Variants in DIAPH3 observed in about 807,000 individuals in gnomAD.
DIAPH3 encodes the protein diaphanous related formin 3, also known as protein diaphanous homolog 3.
In DIAPH3, 117 loss-of-function variants were observed where a neutral mutation model predicts 144.3. The observed-to-expected ratio is 0.81, with a 90% confidence interval of 0.70 to 0.95. The LOEUF (loss-of-function observed/expected upper bound fraction) is 0.95, where lower values mean the gene tolerates loss of function less well. Among genes scored for constraint, DIAPH3 ranks in the 40% least tolerant of loss-of-function variants. The probability of loss-of-function intolerance (pLI) is 0.00; values close to 1 mark genes in which losing one functional copy is unlikely to be tolerated. For synonymous variants in DIAPH3, 519 were observed against 488.9 expected (o/e 1.06, Z -0.81); for missense variants, 1,421 against 1,412.7 (o/e 1.01, Z -0.09).
chr13:60,019,057 TA>T (rs1214315391), intron 5 of DIAPH3, among the ~76,000 whole-genome samples: 1 of 152,120 alleles, frequency 6.6e-6, no homozygotes, highest in Non-Finnish European at 1.5e-5. Context: ...TTTTTAAAGA[TA>T]GGGGTATGAA....
chr13:60,010,703 A>T, intron 7 of DIAPH3, 34 bp from the exon 8 acceptor site: 1 of 1,598,716 alleles, frequency 6.3e-7, no homozygotes, highest in South Asian at 1.1e-5. Flanking sequence ...GTCAAATGTT[A>T]GAAATTAGTT....
At chr13:59,982,734 CT>C (rs1175506014) in intron 13 of DIAPH3, among the ~76,000 whole-genome samples, 1 of 151,654 alleles carries the variant, frequency 6.6e-6, no homozygotes, top group African/African-American at 2.4e-5. Context: ...CCTAAAATCT[CT>C]TGATAAATGT....
chr13:60,124,528 T>C (rs892904351), intron 2 of DIAPH3, among the ~76,000 whole-genome samples: 5 of 152,204 alleles, frequency 3.3e-5, no homozygotes, highest in African/African-American at 1.2e-4. Flanking sequence ...ACATCTTAGA[T>C]ATAGTATGTC....
chr13:60,055,315 T>G (rs2056513839), intron 4 of DIAPH3, among the ~76,000 whole-genome samples: 1 of 151,926 alleles, frequency 6.6e-6, no homozygotes, highest in Non-Finnish European at 1.5e-5. Context: ...CATCAATATT[T>G]AACCAGCACG....
At chr13:59,923,817 A>T (rs990573471) in intron 18 of DIAPH3, among the ~76,000 whole-genome samples, 2 of 152,190 alleles carry the variant, frequency 1.3e-5, no homozygotes, top group African/African-American at 4.8e-5. Context: ...TAGAAAAGAG[A>T]TGGGTTTAGA....
intron 2 of DIAPH3, among the ~76,000 whole-genome samples, chr13:60,131,335 C>T (rs2059131351): frequency 1.4e-5 from 2 of 146,618 alleles, no homozygotes; most frequent in Non-Finnish European, 3.0e-5. Context: ...ACTCAGGAGG[C>T]TGATGTGGGA....
intron 5 of DIAPH3, among the ~76,000 whole-genome samples, chr13:60,040,754 T>C (rs183690762): frequency 6.6e-6 from 1 of 152,254 alleles, no homozygotes; most frequent in Non-Finnish European, 1.5e-5. Flanking sequence ...TTAAACTCCA[T>C]AGAAATACGA....
At chr13:60,005,717 A>G (rs369868234) in intron 9 of DIAPH3, among the ~76,000 whole-genome samples, 173 of 152,146 alleles carry the variant, frequency 1.1e-3, no homozygotes, top group African/African-American at 3.7e-3. Flanking sequence ...TCCTGACCTC[A>G]TGATCTGCCC....
At chr13:59,671,924 C>G (rs749033283) in intron 27 of DIAPH3, among the ~76,000 whole-genome samples, 7 of 152,096 alleles carry the variant, frequency 4.6e-5, no homozygotes, top group Non-Finnish European at 1.0e-4. Flanking sequence ...CCCACATGAT[C>G]TTTGGCAGAG....
Position 59,816,462 on chromosome 13 carries a change from T to C in DIAPH3, c.3028-5539A>G, listed in dbSNP as rs527704109. Among the ~76,000 whole-genome samples the C allele has an allele frequency of 5.9e-5, 9 of 151,820 alleles. No individual in the cohort carries two copies. The East Asian group carries it at 1.8e-3, about 30-fold the overall frequency. ...TTACAGAAAGCTCCTCTCTTTTTAC[T>C]ATTTTCTGTATCTTTAGTTATGTTC... On this transcript the variant is annotated intron_variant, in intron 24 of 27. Transcript: ENST00000400324.
At chr13:59,874,128 G>A (rs931922699) in intron 21 of DIAPH3, among the ~76,000 whole-genome samples, 4 of 152,134 alleles carry the variant, frequency 2.6e-5, no homozygotes, top group Admixed American at 1.3e-4. Flanking sequence ...AAGACCAAGC[G>A]ATTCACATTT....
intron 2 of DIAPH3, among the ~76,000 whole-genome samples, chr13:60,116,420 G>T (rs945375032): frequency 9.9e-5 from 15 of 151,584 alleles, no homozygotes; most frequent in Non-Finnish European, 1.9e-4. Flanking sequence ...CCTCATTACT[G>T]ATGTTTGTTT....
At chr13:60,031,861 A>G (rs988238182) in intron 5 of DIAPH3, among the ~76,000 whole-genome samples, 2 of 144,306 alleles carry the variant, frequency 1.4e-5, no homozygotes, top group Non-Finnish European at 3.0e-5. Flanking sequence ...CTCCTGCCTC[A>G]GCCTCCTGAG....
At chr13:59,781,125 G>A (rs964230253) in intron 25 of DIAPH3, among the ~76,000 whole-genome samples, 3 of 152,094 alleles carry the variant, frequency 2.0e-5, no homozygotes, top group African/African-American at 7.2e-5. Flanking sequence ...AAATAACTAA[G>A]CATACAAAGA....
chr13:60,150,293 G>A lies in DIAPH3; in HGVS notation c.180+13294C>T, dbSNP rs566976464. Among the ~76,000 whole-genome samples the A allele has an allele frequency of 3.3e-5, 5 of 152,132 alleles. No homozygotes were observed. The South Asian group carries it at 1.0e-3, about 32-fold the overall frequency. ...ACCTGCTTTGGCCTCACAAAGTGCT[G>A]GGATTATAGACATGAGCCACCGCGC... On this transcript the variant is annotated intron_variant, in intron 1 of 27. Coordinates refer to ENST00000400324, the MANE Select transcript of DIAPH3 (RefSeq NM_001042517.2).
At chr13:59,750,261 A>G (rs1450250901) in intron 27 of DIAPH3, among the ~76,000 whole-genome samples, 1 of 152,174 alleles carries the variant, frequency 6.6e-6, no homozygotes. Context: ...ATTTATTGCT[A>G]TGTTTACACA....
Position 59,749,042 on chromosome 13 carries a change from C to T in DIAPH3, c.3319+25147G>A, listed in dbSNP as rs1382727565. Among the ~76,000 whole-genome samples, 9 of 151,350 alleles carry T rather than the reference C, an allele frequency of 5.9e-5. No homozygotes were observed. In the South Asian group the frequency reaches 1.3e-3, roughly 21 times the overall value. ...CAGCCTGGCCAACATGGTGAAGCCC[C>T]GTCTCTACTGAGAGTGAGATAGTTA... On this transcript the variant is annotated intron_variant, in intron 27 of 27. Coordinates refer to ENST00000400324, the MANE Select transcript of DIAPH3 (RefSeq NM_001042517.2).
At position 60,138,015 on chromosome 13, in the gene DIAPH3, C is replaced by T. The variant is rs1042511755; in HGVS notation, c.181-5026G>A. 1.2e-4 allele frequency among the ~76,000 whole-genome samples: 18 copies of T among 152,190 alleles called. No homozygotes were observed. The East Asian group carries it at 2.3e-3, about 20-fold the overall frequency. On this transcript the variant is annotated intron_variant, in intron 1 of 27. Coordinates refer to ENST00000400324, the MANE Select transcript of DIAPH3 (RefSeq NM_001042517.2). ...CTGGGATTAAAGGAGTGAGCCACCA[C>T]GCCTGGCCAAAAATTTACGTCATTT... is the stretch of plus-strand genomic sequence containing the variant.
intron 17 of DIAPH3, among the ~76,000 whole-genome samples, chr13:59,938,987 A>G (rs1452821130): frequency 2.0e-5 from 3 of 152,202 alleles, no homozygotes; most frequent in Non-Finnish European, 2.9e-5. Flanking sequence ...ATTTAAAAAT[A>G]GAAAAAAATT....
Sources: allele counts gnomAD v4.1 joint callset (sites outside exome capture counted in the v4.1 genomes callset), GRCh38; gene constraint gnomAD v4.1.1; transcripts MANE v1.5; gene names NCBI Gene and HGNC (gene_info 2026-07-23, HGNC 2026-07-21).